DDX31: variants seen among roughly 807,000 people sequenced by gnomAD.
DDX31 encodes the protein ATP-dependent DNA helicase DDX31.
DDX31 carries 70 observed loss-of-function variants against 91.3 expected under a neutral mutation model. That is an observed-to-expected ratio of 0.77 (90% CI 0.63 to 0.94). The LOEUF is 0.94. Among genes scored for constraint, DDX31 ranks in the 40% least tolerant of loss-of-function variants. DDX31 has a pLI of 0.00. For synonymous variants in DDX31, 362 were observed against 350.6 expected, an observed-to-expected ratio of 1.03 and a Z score of -0.36; for missense variants, 902 against 925.0, an observed-to-expected ratio of 0.98 and a Z score of 0.32.
intron 1 of DDX31, 102 bp downstream of exon 1, chr9:132,669,756 CCG>C: frequency 2.6e-6 from 4 of 1,524,496 alleles, no homozygotes; most frequent in East Asian, 4.9e-5. Flanking sequence ...CCGCTTAACT[CCG>C]TGAATGACTC....
At chr9:132,644,043 A>C (rs1184528923) in intron 13 of DDX31, among the ~76,000 whole-genome samples, 2 of 152,146 alleles carry the variant, frequency 1.3e-5, no homozygotes, top group Non-Finnish European at 2.9e-5. Flanking sequence ...GACCATGCTA[A>C]GGCCTTGTAG....
At chr9:132,628,402 C>T (rs1322518377) in intron 16 of DDX31, among the ~76,000 whole-genome samples, 1 of 152,186 alleles carries the variant, frequency 6.6e-6, no homozygotes, top group African/African-American at 2.4e-5. Context: ...AAGGGAGTCA[C>T]GTAAATGCGG....
intron 19 of DDX31, among the ~76,000 whole-genome samples, chr9:132,610,166 T>C (rs1197062945): frequency 1.3e-5 from 2 of 152,180 alleles, no homozygotes; most frequent in Non-Finnish European, 2.9e-5. Flanking sequence ...CCTAGAATCC[T>C]GGCACAGCCA....
At chr9:132,651,014 A>C in intron 8 of DDX31, 61 bp downstream of exon 8, 1 of 1,386,340 alleles carries the variant, frequency 7.2e-7, no homozygotes, top group Non-Finnish European at 1.0e-6. Context: ...AGACTGTAGT[A>C]TATTAAATCC....
At chr9:132,663,115 G>A (rs977665584) in intron 1 of DDX31, 26 of 1,222,352 alleles carry the variant, frequency 2.1e-5, no homozygotes, top group Admixed American at 9.2e-5. Flanking sequence ...GGGGGAAAAC[G>A]AATCTTTTCT....
rs1437580453 is a variant in DDX31 at position 132,595,773 on chromosome 9, C to T, written c.1995-661G>A. On this transcript the variant is annotated intron_variant, in intron 19 of 19. Transcript: ENST00000372159. This position sits in a 1 kb window ranked among gnomAD's most constrained non-coding sequence, Gnocchi z 4.6. ...GCAGCTTTCTGCAGCCCACACAAAC[C>T]CGGGTGTTAGAGGGAGGTCTCTCCC... is the stretch of plus-strand genomic sequence containing the variant. 1.3e-5 allele frequency among the ~76,000 whole-genome samples: 2 copies of T among 152,218 alleles called. No homozygotes were observed. The highest frequency in any genetic ancestry group is 4.1e-4 in the South Asian group (2 of 4,836).
intron 14 of DDX31, among the ~76,000 whole-genome samples, chr9:132,641,540 C>T (rs1161933805): frequency 6.6e-6 from 1 of 152,174 alleles, no homozygotes; most frequent in African/African-American, 2.4e-5. Context: ...GACTGCAGAG[C>T]CTGAGGCTGA....
At chr9:132,623,793 C>T (rs532078413) in intron 17 of DDX31, among the ~76,000 whole-genome samples, 5 of 152,172 alleles carry the variant, frequency 3.3e-5, no homozygotes, top group South Asian at 2.1e-4. Context: ...CTGCCTCCTC[C>T]AACAGATCCA....
At chr9:132,655,607 T>C (rs1478030389) in intron 6 of DDX31, among the ~76,000 whole-genome samples, 2 of 152,182 alleles carry the variant, frequency 1.3e-5, no homozygotes, top group South Asian at 2.1e-4. Flanking sequence ...CTTTTCGCTA[T>C]ATATATTTTT....
intron 19 of DDX31, among the ~76,000 whole-genome samples, chr9:132,596,241 G>A (rs1340327623): frequency 1.3e-5 from 2 of 152,164 alleles, no homozygotes; most frequent in African/African-American, 4.8e-5. Context: ...TTAGAAATAA[G>A]ACTAATAGTG....
rs1833432268 is a variant in DDX31, at chr9:132,640,485, C to T, written c.1440+1519G>A. ...TGTTAGATATAATAAGGATTTTTGA[C>T]AAATTTCTTTCCCCCGCTTTTTTTC... On this transcript the variant is annotated intron_variant, in intron 14 of 19. Coordinates refer to ENST00000372159, the MANE Select transcript of DDX31 (RefSeq NM_022779.9). Among the ~76,000 whole-genome samples, 5 of 152,102 alleles carry T rather than the reference C, an allele frequency of 3.3e-5. No homozygotes were observed. The South Asian group carries it at 1.0e-3, about 32-fold the overall frequency.
In DDX31 at chr9:132,594,627, C is replaced by G; in HGVS notation, c.*239G>C. The G allele has an allele frequency of 3.6e-6, 2 of 556,388 alleles. No individual in the cohort carries two copies. The highest frequency in any genetic ancestry group is 4.3e-5 in the South Asian group (2 of 46,462). 34.5% of individuals were successfully genotyped at this position (556,388 alleles called of 1,614,324 possible). ...GTGCCGGGCACTGATGGGATCAATA[C>G]AAGACACAGACCCCTTCCGTCGGGA... On this transcript the variant is annotated 3_prime_UTR_variant, in exon 20 of 20. Coordinates refer to ENST00000372159, the MANE Select transcript of DDX31 (RefSeq NM_022779.9).
intron 1 of DDX31, chr9:132,663,235 C>T (rs533205035): frequency 3.5e-5 from 45 of 1,289,230 alleles, no homozygotes; most frequent in South Asian, 2.5e-4. Context: ...TCTACCCTAG[C>T]GCCTGGATCT....
chr9:132,665,822 G>A (rs1362674593), intron 1 of DDX31, among the ~76,000 whole-genome samples: 2 of 152,092 alleles, frequency 1.3e-5, no homozygotes, highest in Non-Finnish European at 2.9e-5. Flanking sequence ...ATCAACACAG[G>A]TACTGTTATC....
chr9:132,621,491 C>T (rs571385046), intron 17 of DDX31, among the ~76,000 whole-genome samples: 83 of 152,262 alleles, frequency 5.5e-4, no homozygotes, highest in Non-Finnish European at 1.0e-3. Flanking sequence ...ATGCTTCACT[C>T]GCTTTCTTTC....
intron 14 of DDX31, among the ~76,000 whole-genome samples, chr9:132,640,278 G>A (rs1833412523): frequency 6.6e-6 from 1 of 152,126 alleles, no homozygotes; most frequent in Non-Finnish European, 1.5e-5. Flanking sequence ...ACCTAAAGAT[G>A]GTTTAGTCAA....
intron 11 of DDX31, 88 bp from the exon 12 acceptor site, chr9:132,647,146 T>C (rs1833893750): frequency 8.2e-7 from 1 of 1,214,804 alleles, no homozygotes; most frequent in African/African-American, 1.5e-5. Context: ...CACCCACCCA[T>C]GTATGTTAGG....
At chr9:132,640,295 G>A (rs145193445) in intron 14 of DDX31, among the ~76,000 whole-genome samples, 1 of 152,214 alleles carries the variant, frequency 6.6e-6, no homozygotes, top group African/African-American at 2.4e-5. Flanking sequence ...TCAAAATCAT[G>A]GTAGTGTTCC....
At position 132,650,192 on chromosome 9, in the gene DDX31, C is replaced by T. The variant is rs749057778; in HGVS notation, c.740+42G>A. The T allele has an allele frequency of 2.5e-6, 4 of 1,586,604 alleles. No individual in the cohort carries two copies. In the East Asian group the frequency reaches 8.9e-5, roughly 35 times the overall value. ...AGCCTTACTGAATAGGAAGGCAGGA[C>T]ACATTCAAGAAGGAAACAACAACCA... On this transcript the variant is annotated intron_variant, in intron 9 of 19. Coordinates refer to ENST00000372159, the MANE Select transcript of DDX31 (RefSeq NM_022779.9).
Sources: gnomAD v4.1 joint callset for allele counts (sites outside exome capture counted in the v4.1 genomes callset) on GRCh38, gnomAD v4.1.1 for gene constraint, Gnocchi (gnomAD v3.1) non-coding constraint, MANE v1.5 for transcripts, NCBI Gene and HGNC (gene_info 2026-07-23, HGNC 2026-07-21) for gene names.